Variants in NPAS3 observed in about 807,000 individuals in gnomAD.
NPAS3 encodes the protein neuronal PAS domain protein 3.
NPAS3 carries 14 observed loss-of-function variants against 73.1 expected under a neutral mutation model. That is an observed-to-expected ratio of 0.19 (90% confidence interval 0.13 to 0.30). NPAS3 has a LOEUF of 0.30. Ranked by LOEUF, NPAS3 falls within the 10% of genes least tolerant of loss-of-function variation. The pLI is 1.00. For missense variants in NPAS3, 1,096 were observed against 1,250.0 expected, an observed-to-expected ratio of 0.88 and a Z score of 1.86; for synonymous variants, 620 against 541.5, an observed-to-expected ratio of 1.14 and a Z score of -2.01.
In NPAS3 at chr14:33,438,924, G is replaced by A; in HGVS notation, c.468+71656G>A. Reference sequence around the variant, plus strand: ...AATGGATTTTAGCCTGTTGTTGACTGTCAGTGACATACCTACATTTATGAA... The same window carrying A: ...AATGGATTTTAGCCTGTTGTTGACTATCAGTGACATACCTACATTTATGAA... On this transcript the variant is annotated intron_variant, in intron 4 of 11. Transcript: ENST00000356141. Among the ~76,000 whole-genome samples the A allele has an allele frequency of 1.3e-5, 2 of 152,164 alleles. 1 individual carries two copies. The highest frequency in any genetic ancestry group is 2.9e-5 in the Non-Finnish European group (2 of 68,030).
chr14:33,158,477 G>A (rs2044728582), intron 2 of NPAS3, among the ~76,000 whole-genome samples: 1 of 152,084 alleles, frequency 6.6e-6, no homozygotes, highest in Non-Finnish European at 1.5e-5. Flanking sequence ...AGTGGGGTGG[G>A]GCAGACAAGA....
intron 6 of NPAS3, among the ~76,000 whole-genome samples, chr14:33,723,030 A>G (rs2061159955): frequency 6.6e-6 from 1 of 152,208 alleles, no homozygotes; most frequent in Admixed American, 6.5e-5. Context: ...TATCTCCAGA[A>G]TATACACATT....
intron 3 of NPAS3, among the ~76,000 whole-genome samples, chr14:33,289,861 A>G (rs2042028915): frequency 6.6e-6 from 1 of 152,090 alleles, no homozygotes; most frequent in South Asian, 2.1e-4. Flanking sequence ...TTACCCCAGA[A>G]ATTGGCTGTG....
intron 3 of NPAS3, among the ~76,000 whole-genome samples, chr14:33,257,920 C>T (rs10148610): frequency 0.32 from 48,936 of 152,020 alleles, 8,624 homozygotes; most frequent in Non-Finnish European, 0.38. Flanking sequence ...CTTGATTTCA[C>T]TTTTGGGTGG....
chr14:33,721,969 A>G (rs1446249534), intron 6 of NPAS3, among the ~76,000 whole-genome samples: 1 of 152,144 alleles, frequency 6.6e-6, no homozygotes, highest in African/African-American at 2.4e-5. Context: ...ATAATTGAAG[A>G]CCCCAGAACA....
At chr14:33,622,038 A>G (rs1469757928) in intron 5 of NPAS3, among the ~76,000 whole-genome samples, 1 of 152,192 alleles carries the variant, frequency 6.6e-6, no homozygotes, top group Non-Finnish European at 1.5e-5. Flanking sequence ...GCAATGAATG[A>G]CCAGTATCCA....
chr14:33,173,551 T>A (rs2045474946), intron 2 of NPAS3, among the ~76,000 whole-genome samples: 1 of 152,298 alleles, frequency 6.6e-6, no homozygotes, highest in South Asian at 2.1e-4. Flanking sequence ...TGTCAGCTAT[T>A]TGAAAAAAAG....
intron 2 of NPAS3, among the ~76,000 whole-genome samples, chr14:33,075,569 G>T (rs2041628767): frequency 6.6e-6 from 1 of 152,150 alleles, no homozygotes. Context: ...GGCCTGGCTG[G>T]CAGTTATCTG....
rs536848617 is a variant in NPAS3, at chr14:33,622,662, C to A, written c.559-53549C>A. On this transcript the variant is annotated intron_variant, in intron 5 of 11. Coordinates refer to ENST00000356141, the Ensembl canonical transcript of NPAS3. ...TTAGTTATTCCCATCCAGATTGCAG[C>A]TCAGGAAATGTATTGAGACGCAAAT... Among the ~76,000 whole-genome samples the A allele has an allele frequency of 3.9e-5, 6 of 152,272 alleles. No individual in the cohort carries two copies. The South Asian group carries it at 6.2e-4, about 16-fold the overall frequency.
intron 4 of NPAS3, among the ~76,000 whole-genome samples, chr14:33,368,322 A>AG (rs1555382894): frequency 3.3e-5 from 5 of 151,950 alleles, no homozygotes; most frequent in African/African-American, 4.8e-5. Flanking sequence ...AAAAAAAAAA[A>AG]AAGAAGAAAA....
chr14:33,284,750 ATATATC>A (rs1050267511), intron 3 of NPAS3, among the ~76,000 whole-genome samples: 1 of 144,434 alleles, frequency 6.9e-6, no homozygotes, highest in African/African-American at 2.5e-5. Flanking sequence ...TTTCATATCT[ATATATC>A]TATATCTATA....
intron 2 of NPAS3, among the ~76,000 whole-genome samples, chr14:33,132,645 A>G (rs1237070796): frequency 6.6e-6 from 1 of 151,716 alleles, no homozygotes; most frequent in African/African-American, 2.4e-5. Flanking sequence ...AAAGAGCCTT[A>G]GAAACCAAGG....
At chr14:33,797,854 A>G (rs1160371542) in intron 11 of NPAS3, among the ~76,000 whole-genome samples, 3 of 140,172 alleles carry the variant, frequency 2.1e-5, no homozygotes, top group African/African-American at 5.3e-5. Flanking sequence ...GTGTGTGTGT[A>G]TATATATACA....
intron 2 of NPAS3, among the ~76,000 whole-genome samples, chr14:33,147,730 A>AAAAATATATATATATAT (rs372663411): frequency 1.8e-4 from 23 of 130,352 alleles, no homozygotes; most frequent in African/African-American, 7.4e-4. Flanking sequence ...TAGAATAAAA[A>AAAAATATATATATATAT]ATATATATAT....
At chr14:33,734,252 T>C (rs2061470787) in intron 6 of NPAS3, among the ~76,000 whole-genome samples, 1 of 152,164 alleles carries the variant, frequency 6.6e-6, no homozygotes, top group Non-Finnish European at 1.5e-5. Flanking sequence ...AATTAGAGTA[T>C]TTGTTAGGCT....
chr14:33,748,484 T>A (rs190759866), intron 7 of NPAS3, among the ~76,000 whole-genome samples: 2 of 152,322 alleles, frequency 1.3e-5, no homozygotes, highest in African/African-American at 4.8e-5. Context: ...GATTATTACT[T>A]GGTAGTTTTG....
At chr14:33,581,627 G>C (rs2056667131) in intron 5 of NPAS3, among the ~76,000 whole-genome samples, 1 of 152,142 alleles carries the variant, frequency 6.6e-6, no homozygotes, top group Admixed American at 6.5e-5. Context: ...CTGGAGTGCA[G>C]TGTCACGATC....
rs114537936 is a variant in NPAS3, at chr14:33,744,385, A to G, written c.852+9053A>G. Among the ~76,000 whole-genome samples, 943 of 152,300 alleles carry G rather than the reference A, an allele frequency of 6.2e-3. 13 individuals are homozygous for G. Among genetic ancestry groups the G allele is most frequent in the African/African-American group, 0.022 (899 of 41,560 alleles). On this transcript the variant is annotated intron_variant, in intron 7 of 11. Coordinates refer to ENST00000356141, the Ensembl canonical transcript of NPAS3. Reference sequence around the variant, plus strand: ...AGCAGTCAGAACACACACAACATTTATCAATTAAGTTCACCTCTTATTTGG... The same window carrying G: ...AGCAGTCAGAACACACACAACATTTGTCAATTAAGTTCACCTCTTATTTGG...
At chr14:33,509,793 G>A (rs1411481791) in intron 4 of NPAS3, among the ~76,000 whole-genome samples, 1 of 152,032 alleles carries the variant, frequency 6.6e-6, no homozygotes, top group Non-Finnish European at 1.5e-5. Context: ...AGCTCTTTAT[G>A]ACTCTTTAGT....
Sources: allele counts gnomAD v4.1 joint callset (sites outside exome capture counted in the v4.1 genomes callset), GRCh38; gene constraint gnomAD v4.1.1; transcripts MANE v1.5; gene names NCBI Gene and HGNC (gene_info 2026-07-23, HGNC 2026-07-21).